PTPN14: variants seen among roughly 807,000 people sequenced by gnomAD.
The protein encoded by PTPN14 is protein tyrosine phosphatase non-receptor type 14, also known as tyrosine-protein phosphatase non-receptor type 14.
PTPN14 carries 53 observed loss-of-function variants against 126.8 expected under a neutral mutation model. That is an observed-to-expected ratio of 0.42 (90% CI 0.34 to 0.53). The LOEUF (loss-of-function observed/expected upper bound fraction) is 0.53. Ranked by LOEUF, PTPN14 falls within the 20% of genes least tolerant of loss-of-function variation. The probability of loss-of-function intolerance (pLI) is 0.08; values close to 1 mark genes in which losing one functional copy is unlikely to be tolerated. For missense variants in PTPN14, 1,257 were observed against 1,552.9 expected (o/e 0.81, Z 3.20); for synonymous variants, 630 against 599.3 (o/e 1.05, Z -0.75).
At chr1:214,456,794 A>T (rs1660393541) in intron 2 of PTPN14, among the ~76,000 whole-genome samples, 1 of 152,226 alleles carries the variant, frequency 6.6e-6, no homozygotes, top group African/African-American at 2.4e-5. Flanking sequence ...TAGGATTGAC[A>T]TTAAGCTAAT....
At chr1:214,432,601 C>T (rs1322301350) in intron 3 of PTPN14, among the ~76,000 whole-genome samples, 3 of 152,160 alleles carry the variant, frequency 2.0e-5, no homozygotes, top group African/African-American at 7.2e-5. Context: ...TAATGTATGT[C>T]TTCCTTTGAT....
At position 214,484,408 on chromosome 1, in the gene PTPN14, C is replaced by G. The variant is rs948891089; in HGVS notation, c.-154-19451G>C. ...CCTAGGTGACAGAGTGAGACCCTAT[C>G]TCTTTAAAAAATAATAAATAAACAT... On this transcript the variant is annotated intron_variant, in intron 1 of 18. Transcript: ENST00000366956. Among the ~76,000 whole-genome samples the G allele has an allele frequency of 1.8e-4, 28 of 152,156 alleles. 1 individual carries two copies. Among genetic ancestry groups the G allele is most frequent in the Admixed American group, 1.7e-3 (26 of 15,272 alleles).
intron 1 of PTPN14, among the ~76,000 whole-genome samples, chr1:214,500,213 A>G (rs895201772): frequency 6.6e-6 from 1 of 152,096 alleles, no homozygotes; most frequent in Admixed American, 6.6e-5. Flanking sequence ...ACATGGGTCC[A>G]TATTCTTGTA....
chr1:214,526,630 C>A (rs1655407492), intron 1 of PTPN14, among the ~76,000 whole-genome samples: 1 of 152,100 alleles, frequency 6.6e-6, no homozygotes, highest in Non-Finnish European at 1.5e-5. Flanking sequence ...AGATTATATC[C>A]AAGTACTGAC....
chr1:214,495,819 C>T (rs1429933551), intron 1 of PTPN14, among the ~76,000 whole-genome samples: 10 of 152,022 alleles, frequency 6.6e-5, no homozygotes, highest in African/African-American at 9.7e-5. Context: ...CTCAGCCTCC[C>T]GAGTAGCTGG....
intron 14 of PTPN14, among the ~76,000 whole-genome samples, chr1:214,377,308 G>A (rs1379965745): frequency 6.6e-6 from 1 of 152,164 alleles, no homozygotes; most frequent in Non-Finnish European, 1.5e-5. Flanking sequence ...TCACTTATAA[G>A]TGGGAGCTAA....
At chr1:214,499,804 C>T (rs1310459030) in intron 1 of PTPN14, among the ~76,000 whole-genome samples, 1 of 151,680 alleles carries the variant, frequency 6.6e-6, no homozygotes, top group Admixed American at 6.6e-5. Flanking sequence ...TAGGAGACAA[C>T]TCTTAAAAAG....
intron 2 of PTPN14, among the ~76,000 whole-genome samples, chr1:214,454,053 C>T (rs1660330054): frequency 6.6e-6 from 1 of 152,148 alleles, no homozygotes; most frequent in South Asian, 2.1e-4. Context: ...GTATGGAACA[C>T]AGGGCTGTAT....
intron 3 of PTPN14, among the ~76,000 whole-genome samples, chr1:214,423,787 C>T (rs1659596612): frequency 1.3e-5 from 2 of 151,878 alleles, no homozygotes; most frequent in African/African-American, 4.8e-5. Flanking sequence ...TCAAGACCAG[C>T]TTGGCCAACA....
intron 1 of PTPN14, among the ~76,000 whole-genome samples, chr1:214,538,369 C>A (rs879274289): frequency 2.0e-5 from 3 of 152,190 alleles, no homozygotes; most frequent in Non-Finnish European, 4.4e-5. Flanking sequence ...TTAATTCTCA[C>A]ATTTCTCAAG....
chr1:214,447,517 A>C (rs1200674066), intron 3 of PTPN14, among the ~76,000 whole-genome samples: 2 of 152,138 alleles, frequency 1.3e-5, no homozygotes, highest in Non-Finnish European at 2.9e-5. Flanking sequence ...AACCTTCCCA[A>C]ATAAATGTAA....
intron 1 of PTPN14, chr1:214,533,274 G>C (rs941276863): frequency 3.1e-5 from 19 of 605,560 alleles, no homozygotes; most frequent in Middle Eastern, 4.5e-4. Flanking sequence ...GCGAGGCCCT[G>C]CTGAACATCA....
intron 1 of PTPN14, among the ~76,000 whole-genome samples, chr1:214,520,065 A>AAAAAAAATATATATATAT: frequency 1.5e-3 from 105 of 71,058 alleles, no homozygotes; most frequent in Non-Finnish European, 1.9e-3. Context: ...AAAAAAAAAA[A>AAAAAAAATATATATATAT]ATATATATAT....
intron 18 of PTPN14, among the ~76,000 whole-genome samples, chr1:214,359,893 G>A (rs991137613): frequency 6.6e-6 from 1 of 152,178 alleles, no homozygotes; most frequent in Non-Finnish European, 1.5e-5. Flanking sequence ...GAATATATAC[G>A]ATGATATATA....
intron 1 of PTPN14, among the ~76,000 whole-genome samples, chr1:214,497,794 A>T (rs1383984505): frequency 6.6e-6 from 1 of 152,200 alleles, no homozygotes; most frequent in Non-Finnish European, 1.5e-5. Flanking sequence ...GTATATATAC[A>T]TGCATAGGAA....
chr1:214,443,074 C>G (rs544981790), intron 3 of PTPN14, among the ~76,000 whole-genome samples: 1 of 152,322 alleles, frequency 6.6e-6, no homozygotes, highest in Admixed American at 6.5e-5. Context: ...CCACCCGCCT[C>G]AGCCTCCCAA....
intron 17 of PTPN14, among the ~76,000 whole-genome samples, chr1:214,366,601 C>T (rs1658085850): frequency 6.6e-6 from 1 of 152,038 alleles, no homozygotes; most frequent in Non-Finnish European, 1.5e-5. Context: ...TAAACATGGG[C>T]AAAAATCTTT....
intron 1 of PTPN14, among the ~76,000 whole-genome samples, chr1:214,511,339 A>G (rs1654968649): frequency 6.6e-6 from 1 of 152,142 alleles, no homozygotes; most frequent in Non-Finnish European, 1.5e-5. Context: ...AAATTGTGTG[A>G]CTCAATTTAA....
intron 2 of PTPN14, among the ~76,000 whole-genome samples, chr1:214,459,824 T>C (rs1660468702): frequency 1.3e-5 from 2 of 152,206 alleles, no homozygotes; most frequent in Admixed American, 1.3e-4. Context: ...ACATGCAAGG[T>C]AACTATGTCA....
Sources: allele counts gnomAD v4.1 joint callset (sites outside exome capture counted in the v4.1 genomes callset), GRCh38; gene constraint gnomAD v4.1.1; transcripts MANE v1.5; gene names NCBI Gene and HGNC (gene_info 2026-07-23, HGNC 2026-07-21).